Variants in CELF2 observed in about 807,000 individuals in gnomAD.
CELF2 encodes CUG triplet repeat RNA-binding protein 2.
In CELF2, 8 loss-of-function variants were observed where a neutral mutation model predicts 62.6. The observed-to-expected ratio is 0.13, with a 90% confidence interval of 0.07 to 0.23. The LOEUF (loss-of-function observed/expected upper bound fraction) is 0.23. Ranked by LOEUF, CELF2 falls within the 10% of genes least tolerant of loss-of-function variation. The pLI, the probability that CELF2 is intolerant of heterozygous loss-of-function variation, is 1.00. For missense variants in CELF2, 333 were observed against 671.0 expected, an observed-to-expected ratio of 0.50 and a Z score of 5.56; for synonymous variants, 258 against 250.0, an observed-to-expected ratio of 1.03 and a Z score of -0.30.
intron 5 of CELF2, among the ~76,000 whole-genome samples, chr10:11,263,737 C>G (rs1301003684): frequency 1.3e-5 from 2 of 152,214 alleles, no homozygotes; most frequent in Admixed American, 6.5e-5. Context: ...TAGTATAAAG[C>G]CATACATTGG....
the CELF2 span, among the ~76,000 whole-genome samples, chr10:10,651,726 A>G: frequency 6.6e-6 from 1 of 151,778 alleles, no homozygotes; most frequent in Non-Finnish European, 1.5e-5. Context: ...TCTGTACATC[A>G]CCATCATCAA....
At chr10:10,675,666 T>C in the CELF2 span, among the ~76,000 whole-genome samples, 1 of 152,166 alleles carries the variant, frequency 6.6e-6, no homozygotes, top group African/African-American at 2.4e-5. Flanking sequence ...TTTGTTCTCT[T>C]TGCTTTTCAG....
At chr10:11,322,282 G>T (rs2095482628) in intron 11 of CELF2, among the ~76,000 whole-genome samples, 1 of 152,202 alleles carries the variant, frequency 6.6e-6, no homozygotes, top group Non-Finnish European at 1.5e-5. Context: ...TTAATTGGGG[G>T]TCTTCAGGGA....
chr10:10,709,550 A>G, the CELF2 span, among the ~76,000 whole-genome samples: 1 of 152,204 alleles, frequency 6.6e-6, no homozygotes, highest in African/African-American at 2.4e-5. Context: ...ACCAGCCAGC[A>G]ATAATGGAAG....
chr10:11,016,293 C>T (rs1047215084), upstream of CELF2, among the ~76,000 whole-genome samples: 3 of 152,164 alleles, frequency 2.0e-5, no homozygotes, highest in African/African-American at 4.8e-5. The surrounding 1 kb of genome is among the most constrained non-coding windows in gnomAD (Gnocchi z 5.2). Context: ...TCGATTGCAA[C>T]CATTCCTCAG....
At chr10:10,742,501 C>T in the CELF2 span, among the ~76,000 whole-genome samples, 3 of 151,374 alleles carry the variant, frequency 2.0e-5, no homozygotes, top group Admixed American at 2.0e-4. Context: ...TGGTGGTGCA[C>T]GCTGGTGGTC....
At chr10:10,643,891 A>G in the CELF2 span, among the ~76,000 whole-genome samples, 3 of 152,264 alleles carry the variant, frequency 2.0e-5, no homozygotes, top group Non-Finnish European at 4.4e-5. Flanking sequence ...GTTACAGTTT[A>G]GTGGGTTATA....
the CELF2 span, among the ~76,000 whole-genome samples, chr10:10,472,996 C>A: frequency 2.0e-5 from 3 of 151,960 alleles, no homozygotes; most frequent in Non-Finnish European, 4.4e-5. Flanking sequence ...TCTGACACTG[C>A]GAACTCCTGA....
intron 4 of CELF2, among the ~76,000 whole-genome samples, chr10:11,251,982 G>T (rs3847420): frequency 0.46 from 69,450 of 152,068 alleles, 16,838 homozygotes; most frequent in African/African-American, 0.63. Context: ...TTGGGCCAGT[G>T]CTCCTTTTGC....
chr10:11,265,767 G>A (rs920579445), intron 5 of CELF2, among the ~76,000 whole-genome samples: 4 of 152,170 alleles, frequency 2.6e-5, no homozygotes, highest in East Asian at 1.9e-4. Context: ...AAACAGGCAC[G>A]GAAAGTTTCA....
Position 10,841,220 on chromosome 10 carries a change from T to C in CELF2, c.53+42403T>C, listed in dbSNP as rs374697031. On this transcript the variant is annotated intron_variant, in intron 1 of 13. Coordinates refer to the CELF2 transcript ENST00000636488. ...GATATATATCCAGTAATGGGATTGCTGGGTCAAATGGTATTTCTGGTTCTG... is the reference window on the plus strand; with the variant it reads ...GATATATATCCAGTAATGGGATTGCCGGGTCAAATGGTATTTCTGGTTCTG... Among the ~76,000 whole-genome samples, 12 of 152,284 alleles carry C rather than the reference T, an allele frequency of 7.9e-5. No individual in the cohort carries two copies. In the East Asian group the frequency reaches 1.9e-3, roughly 24 times the overall value.
intron 11 of CELF2, among the ~76,000 whole-genome samples, chr10:11,325,377 CG>C (rs1374898975): frequency 6.6e-6 from 1 of 152,230 alleles, no homozygotes; most frequent in Non-Finnish European, 1.5e-5. Context: ...ATAGAGAAAT[CG>C]GAGCAGCATT....
the CELF2 span, among the ~76,000 whole-genome samples, chr10:10,775,582 T>C: frequency 6.6e-6 from 1 of 150,584 alleles, no homozygotes; most frequent in African/African-American, 2.4e-5. Context: ...ACTGAGATGG[T>C]GCCGCTGCAT....
intron 2 of CELF2, among the ~76,000 whole-genome samples, chr10:11,170,810 T>C (rs943510817): frequency 6.6e-6 from 1 of 152,190 alleles, no homozygotes; most frequent in Admixed American, 6.5e-5. Flanking sequence ...ATCATCGCTC[T>C]CGTAATGTGT....
At chr10:10,558,821 C>T in the CELF2 span, among the ~76,000 whole-genome samples, 1 of 151,962 alleles carries the variant, frequency 6.6e-6, no homozygotes, top group Non-Finnish European at 1.5e-5. Flanking sequence ...AGTTATTTGC[C>T]TAGAGGGGTT....
At chr10:10,752,031 T>C in the CELF2 span, among the ~76,000 whole-genome samples, 2 of 152,218 alleles carry the variant, frequency 1.3e-5, no homozygotes, top group African/African-American at 2.4e-5. Context: ...GGTCACTGAA[T>C]TGATGAAGGG....
At chr10:11,082,839 A>G (rs1002590345) in intron 1 of CELF2, among the ~76,000 whole-genome samples, 3 of 152,342 alleles carry the variant, frequency 2.0e-5, no homozygotes, top group African/African-American at 7.2e-5. Flanking sequence ...AGATGGAGAA[A>G]GAAGCTGCCT....
At chr10:10,554,415 G>A in the CELF2 span, among the ~76,000 whole-genome samples, 1 of 152,186 alleles carries the variant, frequency 6.6e-6, no homozygotes, top group African/African-American at 2.4e-5. Context: ...TAATGACAGA[G>A]GTTGACCCCT....
the CELF2 span, among the ~76,000 whole-genome samples, chr10:10,712,603 T>C: frequency 6.6e-6 from 1 of 152,214 alleles, no homozygotes; most frequent in Non-Finnish European, 1.5e-5. Context: ...TAGACTATTC[T>C]ACTGAGACCA....
Sources: gnomAD v4.1 joint callset for allele counts (sites outside exome capture counted in the v4.1 genomes callset) on GRCh38, gnomAD v4.1.1 for gene constraint, Gnocchi (gnomAD v3.1) non-coding constraint, MANE v1.5 for transcripts, NCBI Gene and HGNC (gene_info 2026-07-23, HGNC 2026-07-21) for gene names.